DNAH7: variants seen among roughly 807,000 people sequenced by gnomAD.
The protein encoded by DNAH7 is dynein axonemal heavy chain 7, also known as axonemal beta dynein heavy chain 7.
A neutral mutation model predicts 444.6 loss-of-function variants in DNAH7; 397 were observed. The ratio of observed to expected loss-of-function variants is 0.89; its 90% CI spans 0.82 to 0.97. The LOEUF (loss-of-function observed/expected upper bound fraction) is 0.97, where lower values mean the gene tolerates loss of function less well. DNAH7 is among the 50% of genes least tolerant of loss of function. The probability of loss-of-function intolerance (pLI) is 0.00; values close to 1 mark genes in which losing one functional copy is unlikely to be tolerated. For missense variants in DNAH7, 4,902 were observed against 4,800.8 expected (o/e 1.02, Z -0.62); for synonymous variants, 1,636 against 1,624.4 (o/e 1.01, Z -0.17).
chr2:195,820,306 G>T (rs1449412031), intron 49 of DNAH7, among the ~76,000 whole-genome samples: 4 of 151,854 alleles, frequency 2.6e-5, no homozygotes, highest in Non-Finnish European at 5.9e-5. Context: ...GGGGTATGAG[G>T]CAAGGGGAGG....
intron 5 of DNAH7, among the ~76,000 whole-genome samples, chr2:196,042,149 G>A (rs1261948714): frequency 6.6e-6 from 1 of 152,022 alleles, no homozygotes; most frequent in Non-Finnish European, 1.5e-5. Context: ...ATAGGAAACA[G>A]TATGGAAGTT....
chr2:195,906,644 T>C lies in DNAH7; in HGVS notation c.4335+15A>G, dbSNP rs527539119. The C allele has an allele frequency of 2.6e-5, 41 of 1,606,320 alleles. 1 individual carries two copies. The highest frequency in any genetic ancestry group is 3.4e-5 in the Admixed American group (2 of 58,460). On this transcript the variant is annotated intron_variant, in intron 27 of 64. Transcript: ENST00000312428. ...TATAGAGAAGAAATAGATTATATAA[T>C]AACTCCTTCCATACCTTCAGGTTAT... is the stretch of plus-strand genomic sequence containing the variant.
chr2:195,969,952 T>A lies in DNAH7; in HGVS notation c.2201A>T (p.Asp734Val). 1 of 1,604,606 alleles carries A rather than the reference T, an allele frequency of 6.2e-7. No homozygotes were observed. The highest frequency in any genetic ancestry group is 8.5e-7 in the Non-Finnish European group (1 of 1,177,770). ...TTAAGAATTTTTGAATTATACCTTATCTGCAGCTAAATCCAACTTTCCATT... is the reference window on the plus strand; with the variant it reads ...TTAAGAATTTTTGAATTATACCTTAACTGCAGCTAAATCCAACTTTCCATT... ...ILNGKLDLAA[D>V]KIEQFNAEEE... is the part of the protein sequence containing the mutation. The change falls in exon 17 of 65, where the codon GAT becomes GTT. Residue 734 changes from aspartate to valine, a missense_variant. By Grantham distance (152) the Asp-to-Val change is radical. Coordinates refer to ENST00000312428, the MANE Select transcript of DNAH7 (RefSeq NM_018897.3).
At chr2:195,786,972 C>T (rs1049634044) in intron 58 of DNAH7, 38 bp downstream of exon 58, 5 of 1,518,376 alleles carry the variant, frequency 3.3e-6, no homozygotes, top group Non-Finnish European at 4.4e-6. Context: ...TGATAAAGAG[C>T]AACATAGGTA....
intron 19 of DNAH7, among the ~76,000 whole-genome samples, chr2:195,950,993 G>C (rs1690213903): frequency 6.7e-6 from 1 of 149,250 alleles, no homozygotes; most frequent in Admixed American, 6.8e-5. Context: ...GAACTTGTTT[G>C]CTCTTGGTTC....
intron 17 of DNAH7, among the ~76,000 whole-genome samples, chr2:195,963,569 C>G (rs1327965078): frequency 6.6e-6 from 1 of 152,166 alleles, no homozygotes; most frequent in Admixed American, 6.5e-5. Flanking sequence ...GTTGTCTCTT[C>G]ATGTTGTTTA....
intron 27 of DNAH7, chr2:195,905,456 C>A (rs1686953762): frequency 6.6e-6 from 1 of 152,130 alleles, no homozygotes. Context: ...TACAAAAACA[C>A]TTGGCAGCAA....
At chr2:195,891,334 A>G (rs897987833) in intron 31 of DNAH7, among the ~76,000 whole-genome samples, 1 of 152,236 alleles carries the variant, frequency 6.6e-6, no homozygotes, top group African/African-American at 2.4e-5. Flanking sequence ...CTGAAGAGGC[A>G]AAAGGATCAT....
intron 53 of DNAH7, 78 bp from the exon 54 acceptor site, chr2:195,806,910 T>G (rs1478211747): frequency 1.9e-6 from 2 of 1,044,280 alleles, no homozygotes; most frequent in Non-Finnish European, 1.4e-6. Context: ...AACCAACTTT[T>G]AGAATATATA....
chr2:195,862,056 G>C (rs1034960044), intron 41 of DNAH7, 110 bp from the exon 42 acceptor site: 17 of 814,854 alleles, frequency 2.1e-5, no homozygotes, highest in Non-Finnish European at 3.0e-5. Flanking sequence ...GGAATAGTGT[G>C]AGGGATGGTG....
Position 195,799,408 on chromosome 2 carries a change from G to C in DNAH7, c.10241C>G (p.Pro3414Arg), listed in dbSNP as rs529677125. ...RLGRAFIEPP[P>R]FDLAKAFGDS... ...TCCAAATGCCTTGGCTAAATCAAAGGGGGGTGGTTCAATGAATGCACGTCC... is the reference window on the plus strand; with the variant it reads ...TCCAAATGCCTTGGCTAAATCAAAGCGGGGTGGTTCAATGAATGCACGTCC... Residue 3414 changes from proline to arginine, a missense_variant, in exon 55 of 65, where the codon CCC becomes CGC. By Grantham distance (103) the Pro-to-Arg change is moderately radical (BLOSUM62 -2). Coordinates refer to ENST00000312428, the MANE Select transcript of DNAH7 (RefSeq NM_018897.3). 1.7e-5 allele frequency: 28 copies of C among 1,610,902 alleles called. 1 individual carries two copies. The East Asian group carries it at 6.3e-4, about 36-fold the overall frequency.
chr2:196,016,811 C>T (rs1156879518), intron 9 of DNAH7, among the ~76,000 whole-genome samples: 1 of 152,156 alleles, frequency 6.6e-6, no homozygotes, highest in African/African-American at 2.4e-5. Context: ...AGTGAAACTT[C>T]ATGCCCAAGT....
At chr2:195,873,156 C>A (rs1229202110) in intron 39 of DNAH7, among the ~76,000 whole-genome samples, 2 of 152,194 alleles carry the variant, frequency 1.3e-5, no homozygotes, top group African/African-American at 4.8e-5. Context: ...GTCAGCTTGG[C>A]TCCCTGATAT....
intron 15 of DNAH7, among the ~76,000 whole-genome samples, chr2:195,974,749 A>G (rs1692069503): frequency 8.3e-6 from 1 of 120,664 alleles, no homozygotes; most frequent in Non-Finnish European, 1.7e-5. Flanking sequence ...GCATGTATGT[A>G]TATTTTACAC....
Position 195,972,253 on chromosome 2 carries a change from CTT to C in DNAH7, c.2045_2046del (p.Gln682ArgfsTer8). On this transcript the variant is annotated frameshift_variant, in exon 16 of 65. Coordinates refer to ENST00000312428, the MANE Select transcript of DNAH7 (RefSeq NM_018897.3). LOFTEE classifies it high-confidence loss of function. ...KIIKEKIEQYQEGLKLRCERF... is the reference protein window; with the variant it reads ...KIIKEKIEQYXEGLKLRCERF... ...TCTAAGATGCCAACCTTCAGACCTTCTTGATATTGTTCTATTTTCTCTTTAAT... is the reference window on the plus strand; with the variant it reads ...TCTAAGATGCCAACCTTCAGACCTTCGATATTGTTCTATTTTCTCTTTAAT... 4 of 1,613,222 alleles carry C rather than the reference CTT, an allele frequency of 2.5e-6. No individual in the cohort carries two copies. The highest frequency in any genetic ancestry group is 3.4e-6 in the Non-Finnish European group (4 of 1,179,324).
chr2:195,999,135 C>A, intron 12 of DNAH7: 1 of 717,338 alleles, frequency 1.4e-6, no homozygotes. Context: ...TGAAGGGTGA[C>A]ACAATCTTAA....
Position 195,858,589 on chromosome 2 carries a change from G to C in DNAH7, c.7952C>G (p.Ala2651Gly), listed in dbSNP as rs371714329. ...TTTGGAAGCCATAGCTTGTTCATTCGCTATTGTTTCATCAGCTTTCACTAT... is the reference window on the plus strand; with the variant it reads ...TTTGGAAGCCATAGCTTGTTCATTCCCTATTGTTTCATCAGCTTTCACTAT... ...EKIVKADETI[A>G]NEQAMASKAI... is the part of the protein sequence containing the mutation. Residue 2651 changes from alanine to glycine, a missense_variant, in exon 43 of 65, where the codon GCG becomes GGG. Transcript: ENST00000312428. 9.3e-6 allele frequency: 15 copies of C among 1,613,822 alleles called. No individual in the cohort carries two copies. In the South Asian group the frequency reaches 1.6e-4, roughly 18 times the overall value.
At chr2:195,965,149 G>A (rs1267377421) in intron 17 of DNAH7, among the ~76,000 whole-genome samples, 2 of 152,054 alleles carry the variant, frequency 1.3e-5, no homozygotes, top group Non-Finnish European at 2.9e-5. Context: ...TCCTTCAATA[G>A]CCAGTTTTAT....
intron 49 of DNAH7, among the ~76,000 whole-genome samples, chr2:195,822,311 G>A (rs1697510820): frequency 6.6e-6 from 1 of 152,126 alleles, no homozygotes; most frequent in Non-Finnish European, 1.5e-5. Context: ...ACTGTGTTCA[G>A]ACACAAGGAA....
Sources: gnomAD v4.1 joint callset for allele counts (sites outside exome capture counted in the v4.1 genomes callset) on GRCh38, gnomAD v4.1.1 for gene constraint, MANE v1.5 for transcripts, NCBI Gene and HGNC (gene_info 2026-07-23, HGNC 2026-07-21) for gene names.